AP3M2: variants seen among roughly 807,000 people sequenced by gnomAD.
The protein encoded by AP3M2 is AP-3 complex subunit mu-2.
Under a neutral mutation model 41.6 loss-of-function variants are expected in AP3M2, and 28 were observed. That is an observed-to-expected ratio of 0.67 (90% CI 0.50 to 0.92). The LOEUF (loss-of-function observed/expected upper bound fraction) is 0.92, where lower values mean the gene tolerates loss of function less well. Among genes scored for constraint, AP3M2 ranks in the 40% least tolerant of loss-of-function variants. The pLI is 0.00. For synonymous variants in AP3M2, 193 were observed against 186.4 expected (o/e 1.04, Z -0.29); for missense variants, 427 against 521.4 (o/e 0.82, Z 1.76).
chr8:42,165,002 A>G, intron 4 of AP3M2, 69 bp from the exon 5 acceptor site: 2 of 1,352,324 alleles, frequency 1.5e-6, no homozygotes, highest in East Asian at 2.4e-5. Context: ...GAGGGAGGAG[A>G]TAAGTTTGTT....
At chr8:42,156,178 CTGACAGCCGCTATA>C (rs1290065007) in intron 2 of AP3M2, 1 of 355,982 alleles carries the variant, frequency 2.8e-6, no homozygotes, top group East Asian at 7.9e-5. Flanking sequence ...ACTGGTGAAA[CTGACAGCCGCTATA>C]TGGCCATACT....
chr8:42,156,398 G>C (rs980002499), intron 2 of AP3M2, among the ~76,000 whole-genome samples: 4 of 152,086 alleles, frequency 2.6e-5, no homozygotes, highest in African/African-American at 7.2e-5. Flanking sequence ...CATCCTCTCC[G>C]GCAGCATGAT....
At chr8:42,166,623 G>A (rs1161710479) in intron 6 of AP3M2, among the ~76,000 whole-genome samples, 2 of 117,676 alleles carry the variant, frequency 1.7e-5, no homozygotes, top group Admixed American at 8.0e-5. Flanking sequence ...AAAAATTAGC[G>A]GGGTGTGATG....
intron 2 of AP3M2, among the ~76,000 whole-genome samples, chr8:42,155,325 A>G (rs1804327286): frequency 6.6e-6 from 1 of 152,192 alleles, no homozygotes; most frequent in African/African-American, 2.4e-5. Context: ...TCAGAAAGTG[A>G]TTGTATAAAG....
At chr8:42,159,831 A>G (rs1804456431) in intron 3 of AP3M2, among the ~76,000 whole-genome samples, 1 of 152,262 alleles carries the variant, frequency 6.6e-6, no homozygotes, top group African/African-American at 2.4e-5. Context: ...AAGTATAAAT[A>G]TTGCAAGAAT....
chr8:42,167,720 G>A lies in AP3M2; in HGVS notation c.1066G>A (p.Gly356Arg). 2 of 1,613,844 alleles carry A rather than the reference G, an allele frequency of 1.2e-6. No individual in the cohort carries two copies. Among genetic ancestry groups the A allele is most frequent in the East Asian group, 2.2e-5 (1 of 44,880 alleles). Reference sequence around the variant, plus strand: ...TCCACAAAAGCTACCAAGTTTGAAGGGGACCATGAGTCTTCAGGCTGGAGC... The same window carrying A: ...TCCACAAAAGCTACCAAGTTTGAAGAGGACCATGAGTCTTCAGGCTGGAGC... ...INPQKLPSLK[G>R]TMSLQAGASK... Residue 356 changes from glycine (G) to arginine (R), a missense_variant, in exon 8 of 9, where the codon GGG becomes AGG. Gly to Arg is a moderately radical substitution (Grantham distance 125, BLOSUM62 -2). Coordinates refer to ENST00000396926, the MANE Select transcript of AP3M2 (RefSeq NM_006803.4).
At position 42,156,272 on chromosome 8, in the gene AP3M2, G is replaced by A. The variant is rs544474720; in HGVS notation, c.273+1312G>A. Among the ~76,000 whole-genome samples, 4 of 152,296 alleles carry A rather than the reference G, an allele frequency of 2.6e-5. No homozygotes were observed. The South Asian group carries it at 8.3e-4, about 32-fold the overall frequency. On this transcript the variant is annotated intron_variant, in intron 2 of 8. Coordinates refer to ENST00000396926, the MANE Select transcript of AP3M2 (RefSeq NM_006803.4). ...CTAGTTGAAACCATGGGGGAATTTG[G>A]GAAAGCAGAGTAAATTTGCTAATTT...
intron 6 of AP3M2, chr8:42,166,775 A>G: frequency 5.3e-6 from 1 of 190,360 alleles, no homozygotes; most frequent in Non-Finnish European, 1.1e-5. Flanking sequence ...TCAAAAAAAA[A>G]AGAAAGAAAT....
intron 3 of AP3M2, among the ~76,000 whole-genome samples, chr8:42,161,848 T>C (rs1471875995): frequency 3.3e-5 from 5 of 152,224 alleles, no homozygotes; most frequent in Non-Finnish European, 7.3e-5. Flanking sequence ...AGACAGATCA[T>C]ATTGATATGT....
chr8:42,168,439 C>T (rs748715819), intron 8 of AP3M2, among the ~76,000 whole-genome samples: 13 of 152,220 alleles, frequency 8.5e-5, no homozygotes, highest in East Asian at 5.8e-4. Context: ...TCTGTACAAA[C>T]GGGCCTTATA....
At chr8:42,162,978 A>G (rs979885372) in intron 4 of AP3M2, among the ~76,000 whole-genome samples, 4 of 150,414 alleles carry the variant, frequency 2.7e-5, no homozygotes, top group Non-Finnish European at 4.4e-5. Flanking sequence ...AAAAGTAACA[A>G]ATTAATTTCT....
chr8:42,165,584 A>G (rs767809052), intron 6 of AP3M2, 24 bp downstream of exon 6: 99 of 1,613,444 alleles, frequency 6.1e-5, no homozygotes, highest in Non-Finnish European at 8.3e-5. Flanking sequence ...ATAATTAAGA[A>G]TGGAATCCGT....
Position 42,165,451 on chromosome 8 carries a change from A to G in AP3M2, c.694A>G (p.Ser232Gly), listed in dbSNP as rs142368981. 1.9e-6 allele frequency: 3 copies of G among 1,614,080 alleles called. No homozygotes were observed. The highest frequency in any genetic ancestry group is 1.3e-5 in the African/African-American group (1 of 74,926). ...GAACCCTAGGTTGTTGGATGATGTC[A>G]GCTTCCATCCTTGTGTTCGTTTCAA... Reference protein sequence around the residue: ...FMNPRLLDDVSFHPCVRFKRW... With the variant: ...FMNPRLLDDVGFHPCVRFKRW... Residue 232 changes from serine to glycine, a missense_variant, in exon 6 of 9, where the codon AGC (serine) becomes GGC (glycine). Transcript: ENST00000396926.
intron 3 of AP3M2, among the ~76,000 whole-genome samples, chr8:42,159,504 T>C (rs559595553): frequency 2.0e-5 from 3 of 152,368 alleles, no homozygotes; most frequent in African/African-American, 7.2e-5. Context: ...TTGACTGTTT[T>C]TCCTCTATTG....
intron 4 of AP3M2, among the ~76,000 whole-genome samples, chr8:42,163,334 A>G (rs992659941): frequency 6.6e-5 from 10 of 152,266 alleles, no homozygotes; most frequent in African/African-American, 2.4e-4. Context: ...TCCTTTTCAC[A>G]TTAGTGAACT....
intron 2 of AP3M2, among the ~76,000 whole-genome samples, chr8:42,156,370 G>T (rs1804354296): frequency 6.6e-6 from 1 of 152,100 alleles, no homozygotes; most frequent in Admixed American, 6.5e-5. Context: ...TGATTCTCAG[G>T]TCTCCGATGT....
intron 1 of AP3M2, chr8:42,153,736 A>T (rs1416968952): frequency 1.3e-5 from 2 of 151,270 alleles, no homozygotes; most frequent in Middle Eastern, 3.1e-3. Flanking sequence ...CGTGAGCTCC[A>T]GCGGTCTGCC....
chr8:42,155,384 C>T (rs1804328668), intron 2 of AP3M2, among the ~76,000 whole-genome samples: 1 of 152,212 alleles, frequency 6.6e-6, no homozygotes, highest in South Asian at 2.1e-4. Flanking sequence ...TAATTTAACT[C>T]TCCCAGTCAG....
chr8:42,161,870 C>A (rs1804514672), intron 3 of AP3M2, among the ~76,000 whole-genome samples: 1 of 152,092 alleles, frequency 6.6e-6, no homozygotes, highest in Non-Finnish European at 1.5e-5. Context: ...CATTTTAGTA[C>A]CTACCATAAA....
Sources: gnomAD v4.1 joint callset for allele counts (sites outside exome capture counted in the v4.1 genomes callset) on GRCh38, gnomAD v4.1.1 for gene constraint, MANE v1.5 for transcripts, NCBI Gene and HGNC (gene_info 2026-07-23, HGNC 2026-07-21) for gene names.